RMND1: variants seen among roughly 807,000 people sequenced by gnomAD.
The protein encoded by RMND1 is required for meiotic nuclear division 1 homolog.
Under a neutral mutation model 54.0 loss-of-function variants are expected in RMND1, and 41 were observed. The ratio of observed to expected loss-of-function variants is 0.76; its 90% CI spans 0.59 to 0.98. The LOEUF (loss-of-function observed/expected upper bound fraction) is 0.98, where lower values mean the gene tolerates loss of function less well. Among genes scored for constraint, RMND1 ranks in the 50% least tolerant of loss-of-function variants. The pLI is 0.00. For missense variants in RMND1, 457 were observed against 532.0 expected (o/e 0.86, Z 1.39); for synonymous variants, 183 against 181.7 (o/e 1.01, Z -0.06).
At chr6:151,416,194 G>C (rs1042285137) in intron 10 of RMND1, among the ~76,000 whole-genome samples, 1 of 152,016 alleles carries the variant, frequency 6.6e-6, no homozygotes, top group African/African-American at 2.4e-5. Flanking sequence ...GGCCAGGCAG[G>C]TCTCGAACTC....
At chr6:151,432,964 AAG>A (rs1780488680) in intron 4 of RMND1, among the ~76,000 whole-genome samples, 189 bp downstream of exon 4, 1 of 152,208 alleles carries the variant, frequency 6.6e-6, no homozygotes, top group Admixed American at 6.5e-5. Flanking sequence ...TTTACTTTAT[AAG>A]AGGGTTTACC....
intron 3 of RMND1, among the ~76,000 whole-genome samples, chr6:151,433,972 A>G (rs1196900502): frequency 1.1e-5 from 1 of 88,978 alleles, no homozygotes; most frequent in African/African-American, 5.8e-5. Context: ...CAGCCTCCCA[A>G]GTAGCTTAGA....
chr6:151,450,684 A>G (rs1175260249), intron 1 of RMND1, among the ~76,000 whole-genome samples: 5 of 149,872 alleles, frequency 3.3e-5, no homozygotes, highest in Non-Finnish European at 5.9e-5. Flanking sequence ...CCCGGCCACC[A>G]CCCCGTCTGG....
At chr6:151,420,667 T>C (rs919397613) in intron 9 of RMND1, 1 of 152,252 alleles carries the variant, frequency 6.6e-6, no homozygotes. Flanking sequence ...TGAGACTTAC[T>C]TGTCTTTGCC....
At chr6:151,446,353 A>G (rs1780953232) in intron 1 of RMND1, among the ~76,000 whole-genome samples, 1 of 151,766 alleles carries the variant, frequency 6.6e-6, no homozygotes, top group African/African-American at 2.4e-5. Flanking sequence ...GGATCACTTG[A>G]GCCCAGAAGA....
chr6:151,441,050 A>T (rs533240956), intron 2 of RMND1, among the ~76,000 whole-genome samples: 17 of 152,302 alleles, frequency 1.1e-4, no homozygotes, highest in African/African-American at 3.1e-4. Flanking sequence ...AAAATGTTTT[A>T]AAAAACCCAA....
intron 10 of RMND1, 23 bp downstream of exon 10, chr6:151,417,256 C>T (rs1780031989): frequency 1.3e-6 from 2 of 1,594,742 alleles, no homozygotes. Context: ...CTTTTTCTCT[C>T]ATTAGAAGTG....
chr6:151,445,177 A>C, intron 2 of RMND1, 131 bp downstream of exon 2: 1 of 879,946 alleles, frequency 1.1e-6, no homozygotes, highest in Non-Finnish European at 1.7e-6. Context: ...TTAGGCTTCA[A>C]AGACCTTGAT....
intron 9 of RMND1, among the ~76,000 whole-genome samples, chr6:151,419,561 C>T (rs1015898317): frequency 4.6e-5 from 7 of 151,418 alleles, no homozygotes; most frequent in Admixed American, 1.3e-4. Context: ...GTGGTCCCAG[C>T]TACCCAGGAG....
At chr6:151,450,447 A>G (rs1781120156) in intron 1 of RMND1, among the ~76,000 whole-genome samples, 2 of 47,980 alleles carry the variant, frequency 4.2e-5, no homozygotes, top group African/African-American at 2.3e-4. Context: ...TCTGGGAGGG[A>G]GGTGGGGGGG....
intron 2 of RMND1, among the ~76,000 whole-genome samples, chr6:151,439,232 CA>C (rs1482643476): frequency 1.3e-5 from 2 of 152,200 alleles, no homozygotes; most frequent in Admixed American, 6.5e-5. Context: ...TCTATGTAGA[CA>C]GGTTGTTATA....
At chr6:151,421,871 T>C (rs771613213) in intron 8 of RMND1, among the ~76,000 whole-genome samples, 4 of 152,064 alleles carry the variant, frequency 2.6e-5, no homozygotes, top group Non-Finnish European at 5.9e-5. Flanking sequence ...TGCTAGAACT[T>C]TGGGAGGCCG....
chr6:151,408,901 C>T (rs1477772004), intron 10 of RMND1: 1 of 152,218 alleles, frequency 6.6e-6, no homozygotes, highest in East Asian at 1.9e-4. Flanking sequence ...GACTTCTGAC[C>T]TACAGAACAG....
At chr6:151,429,628 C>T (rs7740026) in intron 5 of RMND1, among the ~76,000 whole-genome samples, 19,896 of 151,990 alleles carry the variant, frequency 0.13, 1,414 homozygotes, top group Middle Eastern at 0.19. Flanking sequence ...AAAATCATCA[C>T]GAATAGTTAT....
chr6:151,422,589 C>A lies in RMND1; in HGVS notation c.954G>T (p.Trp318Cys). Reference protein sequence around the residue: ...ALCLSVKLAIWEASLDKFIES... With the variant: ...ALCLSVKLAICEASLDKFIES... ...CAATAAATTTATCCAGTGATGCTTC[C>A]CAAATTGCCAGTTTTACTGGGAAAA... Residue 318 changes from tryptophan to cysteine, a missense_variant, in exon 8 of 12, where the codon TGG (tryptophan) becomes TGT (cysteine). Trp to Cys is a radical substitution (Grantham distance 215). Transcript: ENST00000444024. 1 of 1,528,170 alleles carries A rather than the reference C, an allele frequency of 6.5e-7. No individual in the cohort carries two copies. The highest frequency in any genetic ancestry group is 1.9e-5 in the Admixed American group (1 of 52,646). The allele number at this position is 1,528,170 out of a possible 1,614,324, so 94.7% of individuals were successfully genotyped here.
At chr6:151,437,515 G>A (rs1037229846) in intron 2 of RMND1, among the ~76,000 whole-genome samples, 3 of 152,292 alleles carry the variant, frequency 2.0e-5, no homozygotes, top group African/African-American at 7.2e-5. Context: ...CCTACTTTAT[G>A]GGGTTGTTGT....
intron 1 of RMND1, among the ~76,000 whole-genome samples, chr6:151,447,722 G>A (rs1370909804): frequency 2.6e-5 from 4 of 151,666 alleles, no homozygotes; most frequent in Non-Finnish European, 5.9e-5. Flanking sequence ...TGCCATGCCA[G>A]TTGAACCACT....
At chr6:151,410,437 T>C (rs1240720499) in intron 10 of RMND1, among the ~76,000 whole-genome samples, 7 of 152,194 alleles carry the variant, frequency 4.6e-5, no homozygotes, top group Non-Finnish European at 7.3e-5. Flanking sequence ...TTATGTATAA[T>C]GCCAGCACTA....
Position 151,427,141 on chromosome 6 carries a change from G to A in RMND1, c.830+341C>T, listed in dbSNP as rs577416570. Among the ~76,000 whole-genome samples the A allele has an allele frequency of 7.2e-5, 11 of 152,154 alleles. No individual in the cohort carries two copies. In the South Asian group the frequency reaches 1.2e-3, roughly 17 times the overall value. ...CGCCTGTAATCCCAGCACTTTGAGAGGCTGAGGTGGGCGGATCACCAGGTC... is the reference window on the plus strand; with the variant it reads ...CGCCTGTAATCCCAGCACTTTGAGAAGCTGAGGTGGGCGGATCACCAGGTC... On this transcript the variant is annotated intron_variant, in intron 6 of 11. Coordinates refer to ENST00000444024, the MANE Select transcript of RMND1 (RefSeq NM_017909.4).
Sources: allele counts gnomAD v4.1 joint callset (sites outside exome capture counted in the v4.1 genomes callset), GRCh38; gene constraint gnomAD v4.1.1; transcripts MANE v1.5; gene names NCBI Gene and HGNC (gene_info 2026-07-23, HGNC 2026-07-21).